CDKAL1: variants seen among roughly 807,000 people sequenced by gnomAD.
CDKAL1 encodes CDKAL1 threonylcarbamoyladenosine tRNA methylthiotransferase, also known as threonylcarbamoyladenosine tRNA methylthiotransferase.
CDKAL1 carries 32 observed loss-of-function variants against 68.2 expected under a neutral mutation model. The observed-to-expected ratio is 0.47, with a 90% CI of 0.35 to 0.63. The LOEUF (loss-of-function observed/expected upper bound fraction) is 0.63. Among genes scored for constraint, CDKAL1 ranks in the 30% least tolerant of loss-of-function variants. The probability of loss-of-function intolerance (pLI) is 0.00; values close to 1 mark genes in which losing one functional copy is unlikely to be tolerated. For synonymous variants in CDKAL1, 234 were observed against 244.3 expected, an observed-to-expected ratio of 0.96 and a Z score of 0.39; for missense variants, 606 against 696.7, an observed-to-expected ratio of 0.87 and a Z score of 1.47.
intron 11 of CDKAL1, among the ~76,000 whole-genome samples, chr6:21,055,348 TA>T (rs942447418): frequency 4.6e-5 from 7 of 152,020 alleles, no homozygotes; most frequent in African/African-American, 1.4e-4. Flanking sequence ...TGATTTTCTT[TA>T]AAAAAAACTT....
At chr6:20,907,443 T>C (rs1762281084) in intron 9 of CDKAL1, among the ~76,000 whole-genome samples, 1 of 151,498 alleles carries the variant, frequency 6.6e-6, no homozygotes, top group Admixed American at 6.6e-5. Context: ...TTAGTTAAGA[T>C]GATACATTTT....
rs1451404255 is a variant in CDKAL1 at position 21,065,287 on chromosome 6, T to C, written c.1236+59T>C. 1.0e-5 allele frequency: 13 copies of C among 1,289,594 alleles called. No individual in the cohort carries two copies. The African/African-American group carries it at 1.2e-4, about 12-fold the overall frequency. The allele number at this position is 1,289,594 out of a possible 1,614,324, so 79.9% of individuals were successfully genotyped here. A position where few individuals can be genotyped will look rare whatever the true frequency, so the allele number is the denominator to read the frequency against. ...GCCAGTAGCTATAGAAATGCAGCTG[T>C]GTTGCCTACCTTCACACAACTTGCT... On this transcript the variant is annotated intron_variant, in intron 12 of 15. Transcript: ENST00000274695.
chr6:20,923,348 G>A (rs899005016), intron 9 of CDKAL1, among the ~76,000 whole-genome samples: 1 of 152,126 alleles, frequency 6.6e-6, no homozygotes, highest in African/African-American at 2.4e-5. Flanking sequence ...AATTCTCTCA[G>A]CACCGTTTTT....
intron 9 of CDKAL1, among the ~76,000 whole-genome samples, chr6:20,880,881 A>G (rs1207985943): frequency 2.6e-5 from 4 of 152,224 alleles, no homozygotes; most frequent in African/African-American, 9.6e-5. Flanking sequence ...AAGAAAATTT[A>G]CAGATGGCTT....
intron 5 of CDKAL1, among the ~76,000 whole-genome samples, chr6:20,704,782 A>G (rs1054325289): frequency 1.2e-4 from 19 of 152,224 alleles, no homozygotes; most frequent in African/African-American, 4.6e-4. Flanking sequence ...TCTCTTTGTG[A>G]TTTACTCTTT....
intron 13 of CDKAL1, among the ~76,000 whole-genome samples, chr6:21,117,652 A>C (rs1304666512): frequency 6.6e-6 from 1 of 152,054 alleles, no homozygotes; most frequent in African/African-American, 2.4e-5. Flanking sequence ...AAATTTATTC[A>C]TTATTTATCT....
chr6:21,178,897 A>G (rs976510987), intron 13 of CDKAL1, among the ~76,000 whole-genome samples: 2 of 152,234 alleles, frequency 1.3e-5, no homozygotes, highest in Admixed American at 1.3e-4. Context: ...CAGCACTCTG[A>G]TAGCTCACAG....
intron 7 of CDKAL1, among the ~76,000 whole-genome samples, chr6:20,761,496 T>G (rs777112852): frequency 2.6e-5 from 4 of 152,222 alleles, no homozygotes; most frequent in Admixed American, 6.5e-5. Flanking sequence ...TATTTGTAAT[T>G]ACTAAAACTT....
At chr6:20,768,048 A>C (rs1482429936) in intron 7 of CDKAL1, among the ~76,000 whole-genome samples, 2 of 152,194 alleles carry the variant, frequency 1.3e-5, no homozygotes, top group African/African-American at 4.8e-5. Flanking sequence ...GTCCTTATAA[A>C]GGATGCTTTC....
intron 13 of CDKAL1, among the ~76,000 whole-genome samples, chr6:21,186,182 A>G (rs959692553): frequency 1.3e-5 from 2 of 152,118 alleles, no homozygotes; most frequent in African/African-American, 4.8e-5. Context: ...TGCTAATTAG[A>G]CACCATTAGA....
intron 5 of CDKAL1, among the ~76,000 whole-genome samples, chr6:20,669,672 G>T (rs906716694): frequency 1.3e-5 from 2 of 152,140 alleles, no homozygotes; most frequent in African/African-American, 2.4e-5. Flanking sequence ...CAGTGCTCCT[G>T]TATCCTTTTA....
chr6:20,788,895 C>T (rs1380885152), intron 8 of CDKAL1, among the ~76,000 whole-genome samples: 1 of 152,160 alleles, frequency 6.6e-6, no homozygotes, highest in Non-Finnish European at 1.5e-5. Context: ...AAAAATTCAT[C>T]TTAGTCTCTC....
At chr6:21,054,135 T>G (rs1298687342) in intron 11 of CDKAL1, among the ~76,000 whole-genome samples, 1 of 152,188 alleles carries the variant, frequency 6.6e-6, no homozygotes, top group African/African-American at 2.4e-5. Context: ...GTGTATAATG[T>G]AAGGTGGAGG....
At chr6:20,723,724 C>T (rs1772502522) in intron 5 of CDKAL1, 1 of 152,326 alleles carries the variant, frequency 6.6e-6, no homozygotes, top group Admixed American at 6.5e-5. Context: ...TACTGTTAGT[C>T]TCTGCCTCTT....
At chr6:21,057,479 T>G (rs1261943447) in intron 11 of CDKAL1, among the ~76,000 whole-genome samples, 1 of 151,642 alleles carries the variant, frequency 6.6e-6, no homozygotes, top group African/African-American at 2.4e-5. Flanking sequence ...GCTCCTGGAC[T>G]TGTTGATTTT....
intron 13 of CDKAL1, among the ~76,000 whole-genome samples, chr6:21,194,039 A>G (rs1303263915): frequency 6.6e-6 from 1 of 152,216 alleles, no homozygotes; most frequent in Non-Finnish European, 1.5e-5. Context: ...CAAAGAGACC[A>G]CACACGAAAG....
At chr6:21,139,827 G>A (rs923576518) in intron 13 of CDKAL1, among the ~76,000 whole-genome samples, 2 of 152,162 alleles carry the variant, frequency 1.3e-5, no homozygotes, top group Non-Finnish European at 2.9e-5. Flanking sequence ...TTTCTTTAAA[G>A]TCTTTACTTT....
At chr6:20,845,216 C>G (rs566847779) in intron 8 of CDKAL1, among the ~76,000 whole-genome samples, 1 of 152,214 alleles carries the variant, frequency 6.6e-6, no homozygotes, top group East Asian at 1.9e-4. Flanking sequence ...CCTTGCTACT[C>G]ATTATAGCAA....
chr6:20,605,343 G>A (rs1268909856), intron 4 of CDKAL1, among the ~76,000 whole-genome samples: 5 of 152,076 alleles, frequency 3.3e-5, no homozygotes, highest in East Asian at 1.9e-4. Context: ...CTTTGATCTG[G>A]GTCTTCTTTT....
Sources: allele counts gnomAD v4.1 joint callset (sites outside exome capture counted in the v4.1 genomes callset), GRCh38; gene constraint gnomAD v4.1.1; transcripts MANE v1.5; gene names NCBI Gene and HGNC (gene_info 2026-07-23, HGNC 2026-07-21).